MFAP3L: variants seen among roughly 807,000 people sequenced by gnomAD.
MFAP3L encodes the protein microfibril associated protein 3 like, also known as microfibrillar-associated protein 3-like.
In MFAP3L, 5 loss-of-function variants were observed where a neutral mutation model predicts 20.0. The ratio of observed to expected loss-of-function variants is 0.25; its 90% CI spans 0.13 to 0.53. MFAP3L has a LOEUF of 0.53. Among genes scored for constraint, MFAP3L ranks in the 20% least tolerant of loss-of-function variants. MFAP3L has a pLI of 0.96. For synonymous variants in MFAP3L, 219 were observed against 213.0 expected (o/e 1.03, Z -0.25); for missense variants, 409 against 527.5 (o/e 0.78, Z 2.20).
intron 1 of MFAP3L, among the ~76,000 whole-genome samples, chr4:170,022,524 G>A (rs1740100036): frequency 6.6e-6 from 1 of 152,124 alleles, no homozygotes; most frequent in Non-Finnish European, 1.5e-5. Context: ...CAGTGGATAT[G>A]GCTGTATTTG....
At chr4:170,016,370 G>A (rs769580694) in intron 1 of MFAP3L, among the ~76,000 whole-genome samples, 71 of 152,164 alleles carry the variant, frequency 4.7e-4, no homozygotes, top group Non-Finnish European at 8.2e-4. Flanking sequence ...GGTAAACCCC[G>A]GCATCCTTGA....
In MFAP3L at chr4:169,989,022, G is replaced by C. The variant is rs1737470652; in HGVS notation, c.*2356C>G. ...GTGGAATGACAACTGAATAGGATGG[G>C]GTAACATCCATACAGTATCACAAAA... is the stretch of plus-strand genomic sequence containing the variant. On this transcript the variant is annotated 3_prime_UTR_variant, in exon 3 of 3. Transcript: ENST00000361618. 1 of 152,076 alleles carries C rather than the reference G, an allele frequency of 6.6e-6. No individual in the cohort carries two copies. Among genetic ancestry groups the C allele is most frequent in the African/African-American group, 2.4e-5 (1 of 41,386 alleles). The allele number at this position is 152,076 out of a possible 1,614,324, so 9.4% of individuals were successfully genotyped here.
At position 170,003,287 on chromosome 4, in the gene MFAP3L, T is replaced by C. The variant is rs147021386; in HGVS notation, c.298+2293A>G. ...AGAGTGCTGAATTCTGATGGAGCAG[T>C]TCTCTGTGGCAAAGGCTTTTGACTG... On this transcript the variant is annotated intron_variant, in intron 2 of 2. Coordinates refer to ENST00000361618, the MANE Select transcript of MFAP3L (RefSeq NM_021647.8). Among the ~76,000 whole-genome samples, 38 of 152,242 alleles carry C rather than the reference T, an allele frequency of 2.5e-4. No individual in the cohort carries two copies. The East Asian group carries it at 6.9e-3, about 28-fold the overall frequency.
In MFAP3L at chr4:169,991,520, A is replaced by C; in HGVS notation, c.1088T>G (p.Val363Gly). ...SPETAEPSTD[V>G]TSTELTSEEP... ...TTCAGATGTTAGCTCGGTGGACGTG[A>C]CATCGGTAGAAGGTTCTGCAGTTTC... The change falls in exon 3 of 3, where the codon GTC (valine) becomes GGC (glycine). Residue 363 changes from valine to glycine, a missense_variant. By Grantham distance (109) the Val-to-Gly change is moderately radical (BLOSUM62 -3). Around this residue, in one of 3 missense-constraint regions of MFAP3L, gnomAD observed 169 missense variants for 178.2 expected, o/e 0.95. Transcript: ENST00000361618. This position sits in a 1 kb window ranked among gnomAD's most constrained non-coding sequence, Gnocchi z 4.9. 6.2e-7 allele frequency: 1 copy of C among 1,614,050 alleles called. No homozygotes were observed. Among genetic ancestry groups the C allele is most frequent in the Non-Finnish European group, 8.5e-7 (1 of 1,179,992 alleles).
intron 2 of MFAP3L, among the ~76,000 whole-genome samples, chr4:170,002,486 G>A (rs1738705708): frequency 6.6e-6 from 1 of 152,036 alleles, no homozygotes; most frequent in Non-Finnish European, 1.5e-5. Context: ...ACCTAGGTAA[G>A]GTTCTAGGAT....
intron 1 of MFAP3L, among the ~76,000 whole-genome samples, chr4:170,015,105 G>A (rs901496099): frequency 6.6e-6 from 1 of 152,196 alleles, no homozygotes; most frequent in Non-Finnish European, 1.5e-5. Flanking sequence ...TGGGCTCTGA[G>A]GTTAAGGTCA....
upstream of MFAP3L, chr4:170,026,868 CTTGCAATCAA>C (rs1328617597): frequency 1.3e-5 from 2 of 152,306 alleles, no homozygotes. Flanking sequence ...ACCCTGTCTC[CTTGCAATCAA>C]ATGCAATCAC....
rs770755894 is a variant in MFAP3L at position 169,987,550 on chromosome 4, A to C, written c.*3828T>G. 1 of 152,296 alleles carries C rather than the reference A, an allele frequency of 6.6e-6. No individual in the cohort carries two copies. Among genetic ancestry groups the C allele is most frequent in the Non-Finnish European group, 1.5e-5 (1 of 68,014 alleles). The allele number at this position is 152,296 out of a possible 1,614,324, so 9.4% of individuals were successfully genotyped here. Reference sequence around the variant, plus strand: ...CCACTGAAGAGTTTTAGCACTGATCAACACTGTATTTCCTAGGGCAGAATA... The same window carrying C: ...CCACTGAAGAGTTTTAGCACTGATCCACACTGTATTTCCTAGGGCAGAATA... On this transcript the variant is annotated 3_prime_UTR_variant, in exon 3 of 3. Coordinates refer to ENST00000361618, the MANE Select transcript of MFAP3L (RefSeq NM_021647.8).
At chr4:170,019,805 C>T (rs1238968181) in intron 1 of MFAP3L, among the ~76,000 whole-genome samples, 1 of 152,156 alleles carries the variant, frequency 6.6e-6, no homozygotes, top group Admixed American at 6.5e-5. Context: ...TGGGATTATA[C>T]TTCAGTATCT....
chr4:170,013,525 C>T (rs1378414918), intron 1 of MFAP3L, among the ~76,000 whole-genome samples: 1 of 151,918 alleles, frequency 6.6e-6, no homozygotes, highest in Non-Finnish European at 1.5e-5. Context: ...TTTTTCTTTA[C>T]TCTAAAAAAT....
At chr4:170,004,547 C>A (rs922318441) in intron 2 of MFAP3L, among the ~76,000 whole-genome samples, 2 of 152,178 alleles carry the variant, frequency 1.3e-5, no homozygotes, top group Admixed American at 1.3e-4. Context: ...ATTCGGAACA[C>A]AGCTGTGAAC....
chr4:170,017,331 A>G (rs569749955), intron 1 of MFAP3L, among the ~76,000 whole-genome samples: 1 of 152,216 alleles, frequency 6.6e-6, no homozygotes, highest in South Asian at 2.1e-4. Flanking sequence ...TTCAAACCCT[A>G]CTGGATTTAA....
intron 1 of MFAP3L, among the ~76,000 whole-genome samples, chr4:170,021,912 T>G (rs1560993070): frequency 6.6e-6 from 1 of 152,206 alleles, no homozygotes; most frequent in Non-Finnish European, 1.5e-5. Flanking sequence ...ATTGTGGCAC[T>G]TTCCCAGCTG....
At chr4:170,002,385 A>G (rs1468741976) in intron 2 of MFAP3L, among the ~76,000 whole-genome samples, 1 of 152,206 alleles carries the variant, frequency 6.6e-6, no homozygotes, top group African/African-American at 2.4e-5. Flanking sequence ...GAAATAATAT[A>G]TGTCACTTGG....
chr4:170,006,411 C>T (rs1174458162), intron 1 of MFAP3L, among the ~76,000 whole-genome samples: 1 of 152,104 alleles, frequency 6.6e-6, no homozygotes, highest in Admixed American at 6.5e-5. Flanking sequence ...CCGCACCCGG[C>T]CAAACCTACA....
intron 2 of MFAP3L, chr4:169,994,559 A>C: frequency 1.0e-6 from 1 of 973,154 alleles, no homozygotes; most frequent in Non-Finnish European, 1.2e-6. Context: ...GTGAACTTTG[A>C]GTTTTCAGAT....
chr4:169,996,760 C>T (rs957345084), intron 2 of MFAP3L, among the ~76,000 whole-genome samples: 5 of 152,130 alleles, frequency 3.3e-5, no homozygotes, highest in Non-Finnish European at 7.3e-5. Context: ...TATATCTATC[C>T]TGCAGGAGAC....
At chr4:170,011,938 T>C (rs1196651768) in intron 1 of MFAP3L, among the ~76,000 whole-genome samples, 1 of 152,064 alleles carries the variant, frequency 6.6e-6, no homozygotes, top group Non-Finnish European at 1.5e-5. Context: ...ACAGAGAACC[T>C]GGGGAAATGT....
intron 2 of MFAP3L, chr4:170,003,549 A>T: frequency 2.7e-6 from 1 of 369,148 alleles, no homozygotes; most frequent in Non-Finnish European, 3.8e-6. Context: ...ACTTTGGGAT[A>T]ATCCTCGAAA....
Sources: gnomAD v4.1 joint callset for allele counts (sites outside exome capture counted in the v4.1 genomes callset) on GRCh38, gnomAD v4.1.1 for gene constraint, gnomAD v4.1.1 regional missense constraint, Gnocchi (gnomAD v3.1) non-coding constraint, MANE v1.5 for transcripts, NCBI Gene and HGNC (gene_info 2026-07-23, HGNC 2026-07-21) for gene names.